Variants in TRIP11 observed in about 807,000 individuals in gnomAD.
TRIP11 encodes the protein thyroid receptor-interacting protein 11.
Under a neutral mutation model 223.1 loss-of-function variants are expected in TRIP11, and 148 were observed. The ratio of observed to expected loss-of-function variants is 0.66; its 90% CI spans 0.58 to 0.76. TRIP11 has a LOEUF of 0.76. Ranked by LOEUF, TRIP11 falls within the 30% of genes least tolerant of loss-of-function variation. The pLI is 0.00. For synonymous variants in TRIP11, 762 were observed against 772.6 expected, an observed-to-expected ratio of 0.99 and a Z score of 0.23; for missense variants, 2,043 against 2,222.0, an observed-to-expected ratio of 0.92 and a Z score of 1.62.
rs749063136 is a variant in TRIP11 at position 92,021,679 on chromosome 14, T to C, written c.465A>G (p.Ser155=). 6.2e-7 allele frequency: 1 copy of C among 1,614,204 alleles called. No homozygotes were observed. The highest frequency in any genetic ancestry group is 1.7e-5 in the Admixed American group (1 of 60,012). Reference sequence around the variant, plus strand: ...AGTCCATGTCATCGTCATGGAAAGCTGAAGGATGATGACTAATCCCATAAG... The same window carrying C: ...AGTCCATGTCATCGTCATGGAAAGCCGAAGGATGATGACTAATCCCATAAG... ...SFAYGISHHP[S]AFHDDDMDFG... Residue 155 remains serine, a synonymous_variant, in exon 4 of 21, where the codon TCA becomes TCG. Coordinates refer to ENST00000267622, the MANE Select transcript of TRIP11 (RefSeq NM_004239.4).
At chr14:91,981,008 A>ATTTTTTTTTTT (rs1211000138) in intron 16 of TRIP11, among the ~76,000 whole-genome samples, 11 of 78,324 alleles carry the variant, frequency 1.4e-4, no homozygotes, top group African/African-American at 1.9e-4. Context: ...ATATATATAT[A>ATTTTTTTTTTT]TATATTTTTT....
At chr14:92,011,120 T>G in intron 8 of TRIP11, 48 bp from the exon 9 acceptor site, 5 of 1,559,474 alleles carry the variant, frequency 3.2e-6, no homozygotes, top group Non-Finnish European at 4.4e-6. Flanking sequence ...AAATTTCCAG[T>G]TTATAAAAAA....
chr14:92,015,944 T>C, intron 5 of TRIP11, 83 bp from the exon 6 acceptor site: 1 of 1,315,508 alleles, frequency 7.6e-7, no homozygotes, highest in Non-Finnish European at 1.0e-6. Context: ...TCCAAAAGTG[T>C]GCATTATTAA....
rs2056379375 is a variant in TRIP11 at position 91,969,820 on chromosome 14, A to T, written c.5793T>A (p.Pro1931=). ...GTCCAAGTCCAGCTGGGTTAATAAG[A>T]GGTACAGCTGCCGAGCGAGGAGCCA... ...PFLAPRSAAV[P]LINPAGLGPG... Residue 1931 remains proline (P), a synonymous_variant, in exon 21 of 21, where the codon CCT becomes CCA. Transcript: ENST00000267622. The T allele has an allele frequency of 1.9e-6, 3 of 1,614,076 alleles. No homozygotes were observed. Among genetic ancestry groups the T allele is most frequent in the Non-Finnish European group, 2.5e-6 (3 of 1,180,052 alleles).
At chr14:92,021,992 T>C (rs138518837) in intron 3 of TRIP11, among the ~76,000 whole-genome samples, 161 bp from the exon 4 acceptor site, 1 of 152,364 alleles carries the variant, frequency 6.6e-6, no homozygotes, top group East Asian at 1.9e-4. Context: ...ATTCTAACCA[T>C]AACATTTTTA....
At chr14:91,984,607 C>T (rs1488729594) in intron 16 of TRIP11, among the ~76,000 whole-genome samples, 2 of 152,116 alleles carry the variant, frequency 1.3e-5, no homozygotes, top group Non-Finnish European at 2.9e-5. Flanking sequence ...TGAGCCACCA[C>T]GTCCGGCCAA....
intron 16 of TRIP11, among the ~76,000 whole-genome samples, chr14:91,979,045 T>C: frequency 6.6e-6 from 1 of 152,012 alleles, no homozygotes; most frequent in Non-Finnish European, 1.5e-5. Context: ...TTGCTTGAGC[T>C]CAGGAGTTTG....
chr14:91,971,277 C>T (rs555402810), intron 20 of TRIP11, among the ~76,000 whole-genome samples: 11 of 152,296 alleles, frequency 7.2e-5, no homozygotes, highest in African/African-American at 2.4e-4. Flanking sequence ...ATCTGCTTAT[C>T]ATTGAGCACT....
At position 91,969,554 on chromosome 14, in the gene TRIP11, A is replaced by C. The variant is rs899163285; in HGVS notation, c.*119T>G. The C allele has an allele frequency of 4.1e-6, 4 of 979,712 alleles. No homozygotes were observed. The African/African-American group carries it at 6.4e-5, about 16-fold the overall frequency. The allele number at this position is 979,712 out of a possible 1,614,324, so 60.7% of individuals were successfully genotyped here. A position where few individuals can be genotyped will look rare whatever the true frequency, so the allele number is the denominator to read the frequency against. On this transcript the variant is annotated 3_prime_UTR_variant, in exon 21 of 21. Coordinates refer to ENST00000267622, the MANE Select transcript of TRIP11 (RefSeq NM_004239.4). ...GGAATATTTTTATTAAATTCAGAGAAAGCATAATTGCGAACAAATACATGA... is the reference window on the plus strand; with the variant it reads ...GGAATATTTTTATTAAATTCAGAGACAGCATAATTGCGAACAAATACATGA...
chr14:91,983,722 A>C (rs1049453725), intron 16 of TRIP11, among the ~76,000 whole-genome samples: 3 of 152,196 alleles, frequency 2.0e-5, no homozygotes, highest in Admixed American at 6.5e-5. Flanking sequence ...GTTTCCTCTA[A>C]AATCACCACT....
At chr14:92,029,224 G>C (rs1270199567) in intron 2 of TRIP11, among the ~76,000 whole-genome samples, 1 of 150,222 alleles carries the variant, frequency 6.7e-6, no homozygotes, top group Non-Finnish European at 1.5e-5. Context: ...AAATCACCTA[G>C]GAGAATGATG....
chr14:91,988,078 C>CT (rs1254614937), intron 16 of TRIP11, among the ~76,000 whole-genome samples: 1 of 152,170 alleles, frequency 6.6e-6, no homozygotes, highest in Non-Finnish European at 1.5e-5. Context: ...TCCAGGAAAA[C>CT]TAACTGGACA....
intron 12 of TRIP11, 56 bp downstream of exon 12, chr14:91,999,909 CTCT>C: frequency 6.2e-7 from 1 of 1,602,012 alleles, no homozygotes; most frequent in South Asian, 1.1e-5. Flanking sequence ...CTTTCCAGTT[CTCT>C]TAATAGTTAT....
Position 92,039,889 on chromosome 14 carries a change from T to C in TRIP11, c.-204A>G. The C allele has an allele frequency of 9.9e-7, 1 of 1,005,050 alleles. No individual in the cohort carries two copies. Among genetic ancestry groups the C allele is most frequent in the Non-Finnish European group, 1.4e-6 (1 of 695,920 alleles). 62.3% of individuals were successfully genotyped at this position (1,005,050 alleles called of 1,614,324 possible). On this transcript the variant is annotated 5_prime_UTR_variant, in exon 1 of 21. Coordinates refer to ENST00000267622, the MANE Select transcript of TRIP11 (RefSeq NM_004239.4). ...CCTGGAATTTTACCAGGGGCCCGCC[T>C]CTAGTGACACAGTCACCTACGGAGG...
At chr14:91,991,811 G>A (rs8020904) in intron 15 of TRIP11, among the ~76,000 whole-genome samples, 2,018 of 151,830 alleles carry the variant, frequency 0.013, 30 homozygotes, top group African/African-American at 0.045. Flanking sequence ...AGCCGGGTGC[G>A]GTGGCTCACG....
chr14:92,025,296 G>C lies in TRIP11; in HGVS notation c.312+14C>G, dbSNP rs1281455027. ...ACAGTGAAGTACATATGAAGTAACT[G>C]TGATAACATTTACCTCTTTTTGTTG... On this transcript the variant is annotated intron_variant, in intron 3 of 20. Coordinates refer to ENST00000267622, the MANE Select transcript of TRIP11 (RefSeq NM_004239.4). 6.3e-7 allele frequency: 1 copy of C among 1,583,164 alleles called. No individual in the cohort carries two copies. Among genetic ancestry groups the C allele is most frequent in the Middle Eastern group, 1.7e-4 (1 of 5,950 alleles).
chr14:92,032,513 G>C (rs1199347290), intron 2 of TRIP11, among the ~76,000 whole-genome samples: 2 of 152,064 alleles, frequency 1.3e-5, no homozygotes, highest in Non-Finnish European at 2.9e-5. Context: ...TGTTTAAAAA[G>C]CTCCAGGTTA....
intron 13 of TRIP11, among the ~76,000 whole-genome samples, chr14:91,997,961 G>A (rs2056771812): frequency 1.3e-5 from 2 of 152,130 alleles, no homozygotes; most frequent in Non-Finnish European, 2.9e-5. Flanking sequence ...CAGCATTTCT[G>A]CCAAACTGAA....
intron 13 of TRIP11, 61 bp downstream of exon 13, chr14:91,999,179 A>G (rs1242509135): frequency 1.3e-6 from 2 of 1,545,930 alleles, no homozygotes; most frequent in Admixed American, 3.4e-5. Flanking sequence ...AAAAATACTT[A>G]CTGAGTCTGA....
Sources: gnomAD v4.1 joint callset for allele counts (sites outside exome capture counted in the v4.1 genomes callset) on GRCh38, gnomAD v4.1.1 for gene constraint, MANE v1.5 for transcripts, NCBI Gene and HGNC (gene_info 2026-07-23, HGNC 2026-07-21) for gene names.